FBXL7: variants seen among roughly 807,000 people sequenced by gnomAD.
FBXL7 encodes the protein F-box/LRR-repeat protein 7.
A neutral mutation model predicts 38.3 loss-of-function variants in FBXL7; 12 were observed. That is an observed-to-expected ratio of 0.31 (90% CI 0.20 to 0.51). The LOEUF is 0.51. Among genes scored for constraint, FBXL7 ranks in the 20% least tolerant of loss-of-function variants. The probability of loss-of-function intolerance (pLI) is 0.98; values close to 1 mark genes in which losing one functional copy is unlikely to be tolerated. For missense variants in FBXL7, 567 were observed against 676.4 expected, an observed-to-expected ratio of 0.84 and a Z score of 1.79; for synonymous variants, 297 against 300.9, an observed-to-expected ratio of 0.99 and a Z score of 0.13.
chr5:15,747,131 A>G (rs548416486), intron 2 of FBXL7, among the ~76,000 whole-genome samples: 30 of 152,348 alleles, frequency 2.0e-4, no homozygotes, highest in Non-Finnish European at 2.5e-4. Flanking sequence ...GTGGGAATTC[A>G]GCAGACTGTG....
Position 15,938,934 on chromosome 5 carries a change from A to C in FBXL7, c.*1748A>C, listed in dbSNP as rs1389230352. On this transcript the variant is annotated 3_prime_UTR_variant, in exon 4 of 4. Transcript: ENST00000504595. Reference sequence around the variant, plus strand: ...TTTGTTACGTTGAAATCCCTCATTTATTTTCTTCTCAAAATGCCCATTATC... The same window carrying C: ...TTTGTTACGTTGAAATCCCTCATTTCTTTTCTTCTCAAAATGCCCATTATC... 5.0e-6 allele frequency: 2 copies of C among 398,776 alleles called. No homozygotes were observed. The highest frequency in any genetic ancestry group is 2.1e-5 in the African/African-American group (1 of 48,590). 24.7% of individuals were successfully genotyped at this position (398,776 alleles called of 1,614,324 possible).
intron 1 of FBXL7, chr5:15,607,361 A>G (rs967552986): frequency 1.3e-5 from 2 of 152,206 alleles, no homozygotes; most frequent in East Asian, 1.9e-4. Context: ...AATAGATATC[A>G]TGAATCAGTT....
At chr5:15,510,774 T>A (rs1350106382) in intron 1 of FBXL7, among the ~76,000 whole-genome samples, 2 of 152,234 alleles carry the variant, frequency 1.3e-5, no homozygotes, top group Non-Finnish European at 2.9e-5. Context: ...TCAATCATTT[T>A]AATAATTATA....
chr5:15,922,846 T>G lies in FBXL7; in HGVS notation c.128-5044T>G, dbSNP rs550533170. On this transcript the variant is annotated intron_variant, in intron 2 of 3. Coordinates refer to ENST00000504595, the MANE Select transcript of FBXL7 (RefSeq NM_012304.5). ...AATTAACAATAATATCCCCTTAGTGTTACTGCTAAACTGTATTTTAGCCCA... is the reference window on the plus strand; with the variant it reads ...AATTAACAATAATATCCCCTTAGTGGTACTGCTAAACTGTATTTTAGCCCA... Among the ~76,000 whole-genome samples, 11 of 152,312 alleles carry G rather than the reference T, an allele frequency of 7.2e-5. 1 individual carries two copies. In the Middle Eastern group the frequency reaches 0.014, roughly 188 times the overall value.
chr5:15,570,015 C>T (rs1258278733), intron 1 of FBXL7, among the ~76,000 whole-genome samples: 2 of 152,300 alleles, frequency 1.3e-5, no homozygotes, highest in Non-Finnish European at 2.9e-5. Context: ...AGGATTTTTG[C>T]ATCAATGTTC....
chr5:15,521,245 A>G (rs1737089624), intron 1 of FBXL7, among the ~76,000 whole-genome samples: 1 of 152,240 alleles, frequency 6.6e-6, no homozygotes, highest in Admixed American at 6.5e-5. Context: ...TGCCTGGCAC[A>G]TAACAAACAC....
At chr5:15,930,164 G>A (rs1273797741) in intron 3 of FBXL7, among the ~76,000 whole-genome samples, 2 of 152,150 alleles carry the variant, frequency 1.3e-5, no homozygotes, top group South Asian at 2.1e-4. Context: ...AGTAGCCAGT[G>A]GCATCGAGAA....
chr5:15,733,987 A>G (rs561927860), intron 2 of FBXL7, among the ~76,000 whole-genome samples: 1 of 152,108 alleles, frequency 6.6e-6, no homozygotes, highest in Non-Finnish European at 1.5e-5. Flanking sequence ...TGTGCCTGTA[A>G]TCGCAGCTAC....
At chr5:15,584,303 T>C (rs1434024048) in intron 1 of FBXL7, among the ~76,000 whole-genome samples, 2 of 152,210 alleles carry the variant, frequency 1.3e-5, no homozygotes, top group Non-Finnish European at 2.9e-5. Flanking sequence ...TGAATTTCTC[T>C]TCCAGAAAAT....
chr5:15,864,455 C>T (rs545922804), intron 2 of FBXL7, among the ~76,000 whole-genome samples: 1 of 151,872 alleles, frequency 6.6e-6, no homozygotes, highest in South Asian at 2.1e-4. Context: ...TATAGCAATC[C>T]AAATGGACTA....
intron 2 of FBXL7, among the ~76,000 whole-genome samples, chr5:15,823,592 C>T (rs1738229594): frequency 6.6e-6 from 1 of 152,114 alleles, no homozygotes; most frequent in Admixed American, 6.6e-5. Context: ...GGAGGCTTCC[C>T]AGGTTAATCT....
chr5:15,543,401 C>A (rs1043855635), intron 1 of FBXL7, among the ~76,000 whole-genome samples: 6 of 152,178 alleles, frequency 3.9e-5, no homozygotes, highest in African/African-American at 1.4e-4. Flanking sequence ...TGGCTCCACC[C>A]TTGACGCTTG....
chr5:15,620,230 C>CTTTTTTTTTTT (rs796293132), intron 2 of FBXL7, among the ~76,000 whole-genome samples: 1 of 134,142 alleles, frequency 7.5e-6, no homozygotes, highest in Non-Finnish European at 1.6e-5. Context: ...TTCTTTTTTT[C>CTTTTTTTTTTT]TTTTTTTTTT....
chr5:15,626,219 T>G (rs563659568), intron 2 of FBXL7, among the ~76,000 whole-genome samples: 2 of 152,346 alleles, frequency 1.3e-5, no homozygotes, highest in South Asian at 4.1e-4. Flanking sequence ...GTTTATTTTA[T>G]TGTTTAAGCT....
chr5:15,681,111 C>T (rs1742830517), intron 2 of FBXL7, among the ~76,000 whole-genome samples: 1 of 152,074 alleles, frequency 6.6e-6, no homozygotes, highest in Admixed American at 6.5e-5. Context: ...CATGACAGAT[C>T]TGGTAGGTAT....
intron 2 of FBXL7, among the ~76,000 whole-genome samples, chr5:15,880,199 G>A (rs534466700): frequency 6.6e-6 from 1 of 152,340 alleles, no homozygotes; most frequent in South Asian, 2.1e-4. Flanking sequence ...ACTTGCTCCT[G>A]TGTTCTTCCT....
At chr5:15,691,216 C>T (rs764588893) in intron 2 of FBXL7, among the ~76,000 whole-genome samples, 3 of 152,172 alleles carry the variant, frequency 2.0e-5, no homozygotes, top group Non-Finnish European at 4.4e-5. Context: ...GGTTTCCCCA[C>T]CACCTTTCAT....
intron 2 of FBXL7, among the ~76,000 whole-genome samples, chr5:15,858,625 A>G (rs967484980): frequency 3.9e-5 from 6 of 152,310 alleles, no homozygotes; most frequent in African/African-American, 1.2e-4. Flanking sequence ...TTGTACTGAT[A>G]TGTCTTCAGT....
chr5:15,644,141 A>G (rs1741452795), intron 2 of FBXL7, among the ~76,000 whole-genome samples: 1 of 152,116 alleles, frequency 6.6e-6, no homozygotes, highest in African/African-American at 2.4e-5. Flanking sequence ...TGTCCCTACA[A>G]GGGAAAATAC....
Sources: gnomAD v4.1 joint callset for allele counts (sites outside exome capture counted in the v4.1 genomes callset) on GRCh38, gnomAD v4.1.1 for gene constraint, MANE v1.5 for transcripts, NCBI Gene and HGNC (gene_info 2026-07-23, HGNC 2026-07-21) for gene names.